Variants in TENM2 observed in about 807,000 individuals in gnomAD.
TENM2 encodes the protein teneurin-2.
Under a neutral mutation model 245.2 loss-of-function variants are expected in TENM2, and 52 were observed. The observed-to-expected ratio is 0.21, with a 90% CI of 0.17 to 0.27. TENM2 has a LOEUF of 0.27. TENM2 is among the 10% of genes least tolerant of loss of function. The pLI, the probability that TENM2 is intolerant of heterozygous loss-of-function variation, is 1.00. For synonymous variants in TENM2, 1,363 were observed against 1,438.9 expected, an observed-to-expected ratio of 0.95 and a Z score of 1.19; for missense variants, 3,046 against 3,666.8, an observed-to-expected ratio of 0.83 and a Z score of 4.37.
chr5:168,168,736 G>C (rs1758535118), intron 13 of TENM2, among the ~76,000 whole-genome samples: 1 of 150,874 alleles, frequency 6.6e-6, no homozygotes, highest in Admixed American at 6.6e-5. Flanking sequence ...GGTCCTTTGT[G>C]AATGACTTCA....
At chr5:167,993,551 A>G (rs1026540359) in intron 5 of TENM2, among the ~76,000 whole-genome samples, 1 of 152,224 alleles carries the variant, frequency 6.6e-6, no homozygotes, top group African/African-American at 2.4e-5. Context: ...AATGTATGCA[A>G]CATTGGTTAA....
At chr5:167,711,708 T>C (rs1272461343) in intron 2 of TENM2, among the ~76,000 whole-genome samples, 1 of 152,126 alleles carries the variant, frequency 6.6e-6, no homozygotes, top group Non-Finnish European at 1.5e-5. Flanking sequence ...CAGTCCCCCT[T>C]CCTGTTTTGC....
chr5:167,778,343 C>A (rs1321858768), intron 2 of TENM2, among the ~76,000 whole-genome samples: 2 of 152,126 alleles, frequency 1.3e-5, no homozygotes, highest in Non-Finnish European at 2.9e-5. Flanking sequence ...ATATGAAGAC[C>A]TTTCTTGACA....
chr5:167,476,390 C>A (rs11739491), intron 2 of TENM2, among the ~76,000 whole-genome samples: 103,836 of 151,394 alleles, frequency 0.69, 36,160 homozygotes, highest in Non-Finnish European at 0.75. Context: ...TTGAGGTATG[C>A]AGATCTTCCA....
intron 5 of TENM2, among the ~76,000 whole-genome samples, chr5:168,030,590 A>G (rs939948942): frequency 3.9e-5 from 6 of 152,064 alleles, no homozygotes; most frequent in African/African-American, 7.2e-5. Flanking sequence ...GCCCGAAACC[A>G]TCGGCCCAGA....
chr5:167,602,220 G>A (rs1365971192), intron 2 of TENM2, among the ~76,000 whole-genome samples: 1 of 152,124 alleles, frequency 6.6e-6, no homozygotes. Flanking sequence ...TTCCTCAGCT[G>A]CTTCTTGTTT....
chr5:167,306,081 G>A (rs1385620730), intron 1 of TENM2, among the ~76,000 whole-genome samples: 1 of 152,192 alleles, frequency 6.6e-6, no homozygotes, highest in Non-Finnish European at 1.5e-5. Context: ...AGGGGAACCA[G>A]CATCCCAATA....
At chr5:167,772,561 G>C (rs1257359730) in intron 2 of TENM2, among the ~76,000 whole-genome samples, 1 of 151,436 alleles carries the variant, frequency 6.6e-6, no homozygotes, top group Non-Finnish European at 1.5e-5. Context: ...GAAGTCTGAC[G>C]TTTTCAATTA....
At chr5:166,985,449 G>T in the TENM2 span, among the ~76,000 whole-genome samples, 3 of 152,032 alleles carry the variant, frequency 2.0e-5, no homozygotes, top group African/African-American at 7.2e-5. Flanking sequence ...GCACAAACTG[G>T]CTTCTCTATA....
chr5:167,718,422 G>A (rs1434470665), intron 2 of TENM2, among the ~76,000 whole-genome samples: 2 of 152,166 alleles, frequency 1.3e-5, no homozygotes, highest in Non-Finnish European at 2.9e-5. Flanking sequence ...CTCTAAAACA[G>A]GGTAATCACC....
chr5:167,349,359 G>A (rs1484427263), intron 1 of TENM2, among the ~76,000 whole-genome samples: 1 of 152,078 alleles, frequency 6.6e-6, no homozygotes, highest in Non-Finnish European at 1.5e-5. Flanking sequence ...ATAGAGACCA[G>A]GAAATATACC....
the TENM2 span, among the ~76,000 whole-genome samples, chr5:167,188,479 T>A: frequency 6.6e-6 from 1 of 152,184 alleles, no homozygotes; most frequent in South Asian, 2.1e-4. Flanking sequence ...TTAGTAAATC[T>A]TAATGACTGC....
chr5:167,442,986 T>G (rs1764954958), intron 2 of TENM2, among the ~76,000 whole-genome samples: 1 of 152,318 alleles, frequency 6.6e-6, no homozygotes, highest in East Asian at 1.9e-4. Context: ...AAAGAGTTGT[T>G]AAACATTATC....
chr5:167,853,643 G>A (rs1027138452), intron 2 of TENM2, among the ~76,000 whole-genome samples: 1 of 152,172 alleles, frequency 6.6e-6, no homozygotes, highest in Non-Finnish European at 1.5e-5. Flanking sequence ...AAAGGTTGAA[G>A]TAATTTCTCC....
chr5:167,698,271 C>T (rs868021190), intron 2 of TENM2, among the ~76,000 whole-genome samples: 2 of 152,266 alleles, frequency 1.3e-5, no homozygotes, highest in Middle Eastern at 3.4e-3. Flanking sequence ...AAGATGATGG[C>T]TTCAGATCAC....
At chr5:167,072,425 G>T in the TENM2 span, among the ~76,000 whole-genome samples, 1 of 152,084 alleles carries the variant, frequency 6.6e-6, no homozygotes, top group Non-Finnish European at 1.5e-5. Flanking sequence ...GGTGCGGAGG[G>T]CAGGGAATTG....
At chr5:168,198,795 T>A (rs1040694290) in intron 15 of TENM2, 58 bp from the exon 18 acceptor site, 1 of 1,576,658 alleles carries the variant, frequency 6.3e-7, no homozygotes, top group African/African-American at 1.3e-5. Context: ...AGGAGAGGCA[T>A]CCTGCCTTGT....
chr5:167,978,891 G>A (rs1782630422), intron 4 of TENM2, among the ~76,000 whole-genome samples: 1 of 152,152 alleles, frequency 6.6e-6, no homozygotes, highest in Non-Finnish European at 1.5e-5. Flanking sequence ...ACTCAAGGGA[G>A]AGACAACAAG....
At chr5:167,805,282 T>A (rs1011178226) in intron 2 of TENM2, among the ~76,000 whole-genome samples, 6 of 152,154 alleles carry the variant, frequency 3.9e-5, no homozygotes, top group Non-Finnish European at 7.4e-5. Context: ...TTCTCAAAGT[T>A]GGTGAAGTAC....
Sources: gnomAD v4.1 joint callset for allele counts (sites outside exome capture counted in the v4.1 genomes callset) on GRCh38, gnomAD v4.1.1 for gene constraint, MANE v1.5 for transcripts, NCBI Gene and HGNC (gene_info 2026-07-23, HGNC 2026-07-21) for gene names.